KCNH7: variants seen among roughly 807,000 people sequenced by gnomAD.
KCNH7 encodes voltage-gated inwardly rectifying potassium channel KCNH7.
A neutral mutation model predicts 120.8 loss-of-function variants in KCNH7; 49 were observed. The observed-to-expected ratio is 0.41, with a 90% confidence interval of 0.32 to 0.51. The LOEUF is 0.51. Among genes scored for constraint, KCNH7 ranks in the 20% least tolerant of loss-of-function variants. The pLI is 0.38. For missense variants in KCNH7, 1,097 were observed against 1,446.6 expected, an observed-to-expected ratio of 0.76 and a Z score of 3.92; for synonymous variants, 547 against 516.1, an observed-to-expected ratio of 1.06 and a Z score of -0.81.
chr2:162,781,923 C>T (rs1425518249), intron 2 of KCNH7, among the ~76,000 whole-genome samples: 1 of 152,192 alleles, frequency 6.6e-6, no homozygotes, highest in African/African-American at 2.4e-5. Flanking sequence ...TATTTCTTCA[C>T]ATTGCAGGTC....
intron 2 of KCNH7, among the ~76,000 whole-genome samples, chr2:162,823,741 T>C (rs911294158): frequency 2.6e-5 from 4 of 152,188 alleles, no homozygotes; most frequent in African/African-American, 7.2e-5. Context: ...GAGATTTCTT[T>C]TGTCTTTTCC....
chr2:162,715,632 G>A lies in KCNH7; in HGVS notation c.307+120905C>T, dbSNP rs534710347. On this transcript the variant is annotated intron_variant, in intron 2 of 15. Coordinates refer to ENST00000332142, the MANE Select transcript of KCNH7 (RefSeq NM_033272.4). ...ATGTTATTTGCTGGGCCAATGGTAC[G>A]TCAGCAATTGTGACAGAAGCAGTGT... Among the ~76,000 whole-genome samples the A allele has an allele frequency of 7.9e-5, 12 of 152,232 alleles. No individual in the cohort carries two copies. The South Asian group carries it at 1.2e-3, about 16-fold the overall frequency.
chr2:162,674,158 A>G (rs1229539064), intron 2 of KCNH7, among the ~76,000 whole-genome samples: 1 of 151,852 alleles, frequency 6.6e-6, no homozygotes, highest in Non-Finnish European at 1.5e-5. Flanking sequence ...AATTAATAAG[A>G]GTTTAGTATC....
intron 2 of KCNH7, among the ~76,000 whole-genome samples, chr2:162,835,611 T>C (rs868594179): frequency 5.9e-5 from 9 of 151,952 alleles, no homozygotes; most frequent in Middle Eastern, 3.4e-3. Flanking sequence ...TCATTTTGTA[T>C]AGATATATAG....
At chr2:162,835,872 A>ATTTGCT in intron 2 of KCNH7, among the ~76,000 whole-genome samples, 1 of 152,244 alleles carries the variant, frequency 6.6e-6, no homozygotes, top group East Asian at 1.9e-4. Flanking sequence ...AAGATGCCAG[A>ATTTGCT]TTTGCTGTAG....
At chr2:162,753,530 CCTAA>C (rs1413507916) in intron 2 of KCNH7, among the ~76,000 whole-genome samples, 1 of 152,062 alleles carries the variant, frequency 6.6e-6, no homozygotes, top group Non-Finnish European at 1.5e-5. Context: ...TCTATTCTAT[CCTAA>C]TGGTGGTGCT....
intron 2 of KCNH7, among the ~76,000 whole-genome samples, chr2:162,661,249 A>G (rs988220668): frequency 1.3e-5 from 2 of 152,150 alleles, no homozygotes; most frequent in Non-Finnish European, 2.9e-5. Flanking sequence ...GAAAAATAAA[A>G]TCAATTTTTA....
At chr2:162,466,204 C>T (rs936568924) in intron 6 of KCNH7, among the ~76,000 whole-genome samples, 1 of 152,020 alleles carries the variant, frequency 6.6e-6, no homozygotes, top group Non-Finnish European at 1.5e-5. Flanking sequence ...GTTAGGGAAC[C>T]CTTGCCTGAC....
At chr2:162,695,063 G>T (rs1686243073) in intron 2 of KCNH7, among the ~76,000 whole-genome samples, 1 of 152,050 alleles carries the variant, frequency 6.6e-6, no homozygotes, top group African/African-American at 2.4e-5. Flanking sequence ...ACTGCACCAG[G>T]CCTAGAAACC....
chr2:162,607,220 C>CG (rs1682808119), intron 2 of KCNH7, among the ~76,000 whole-genome samples: 1 of 111,970 alleles, frequency 8.9e-6, no homozygotes, highest in Non-Finnish European at 2.0e-5. Flanking sequence ...ACTAAAAATA[C>CG]AAAAAAAAAA....
intron 2 of KCNH7, among the ~76,000 whole-genome samples, chr2:162,730,714 C>T (rs1048284828): frequency 2.3e-4 from 35 of 151,978 alleles, no homozygotes; most frequent in African/African-American, 8.5e-4. Flanking sequence ...CTCACTGATT[C>T]ACCTAATCAT....
At chr2:162,755,335 G>T (rs184316216) in intron 2 of KCNH7, among the ~76,000 whole-genome samples, 134 of 152,152 alleles carry the variant, frequency 8.8e-4, no homozygotes, top group African/African-American at 3.0e-3. Flanking sequence ...AGCCAGGTTT[G>T]GTGGTGGGCA....
At chr2:162,568,397 C>T (rs1405434701) in intron 2 of KCNH7, among the ~76,000 whole-genome samples, 1 of 151,976 alleles carries the variant, frequency 6.6e-6, no homozygotes, top group African/African-American at 2.4e-5. Flanking sequence ...GTAGGCTGTA[C>T]CTTCTAGATT....
At chr2:162,689,430 G>A (rs1025219973) in intron 2 of KCNH7, among the ~76,000 whole-genome samples, 1 of 152,130 alleles carries the variant, frequency 6.6e-6, no homozygotes, top group East Asian at 1.9e-4. Context: ...GGGATTACAG[G>A]CATGAGCCAC....
chr2:162,830,454 C>A (rs964484593), intron 2 of KCNH7, among the ~76,000 whole-genome samples: 2 of 152,062 alleles, frequency 1.3e-5, no homozygotes, highest in Admixed American at 6.6e-5. Context: ...GCAACACACT[C>A]AATAAGCCTA....
intron 2 of KCNH7, among the ~76,000 whole-genome samples, chr2:162,657,471 A>G (rs566474671): frequency 6.6e-6 from 1 of 152,206 alleles, no homozygotes; most frequent in South Asian, 2.1e-4. Context: ...ACCTTCTTAA[A>G]CCATGTCTTT....
chr2:162,430,717 C>T (rs1457145911), intron 8 of KCNH7, among the ~76,000 whole-genome samples: 1 of 151,848 alleles, frequency 6.6e-6, no homozygotes, highest in Non-Finnish European at 1.5e-5. Context: ...TTAGTAACTC[C>T]ATCATAACTG....
chr2:162,724,535 A>T (rs997747153), intron 2 of KCNH7, among the ~76,000 whole-genome samples: 3 of 149,868 alleles, frequency 2.0e-5, no homozygotes, highest in African/African-American at 4.9e-5. Flanking sequence ...AGCCGGGCGT[A>T]GTGGCGGGCG....
chr2:162,779,054 C>T (rs1235331549), intron 2 of KCNH7, among the ~76,000 whole-genome samples: 1 of 150,758 alleles, frequency 6.6e-6, no homozygotes, highest in African/African-American at 2.4e-5. Flanking sequence ...TACTTATCAA[C>T]TGTTATAATA....
Sources: gnomAD v4.1 joint callset for allele counts (sites outside exome capture counted in the v4.1 genomes callset) on GRCh38, gnomAD v4.1.1 for gene constraint, MANE v1.5 for transcripts, NCBI Gene and HGNC (gene_info 2026-07-23, HGNC 2026-07-21) for gene names.